Variants in LGR5 observed in about 807,000 individuals in gnomAD.
LGR5 encodes the protein leucine rich repeat containing G protein-coupled receptor 5.
In LGR5, 54 loss-of-function variants were observed where a neutral mutation model predicts 76.7. The observed-to-expected ratio is 0.70, with a 90% CI of 0.57 to 0.88. LGR5 has a LOEUF of 0.88. Ranked by LOEUF, LGR5 falls within the 40% of genes least tolerant of loss-of-function variation. The probability of loss-of-function intolerance (pLI) is 0.00; values close to 1 mark genes in which losing one functional copy is unlikely to be tolerated. For missense variants in LGR5, 1,078 were observed against 1,073.3 expected (o/e 1.00, Z -0.06); for synonymous variants, 406 against 421.9 (o/e 0.96, Z 0.46).
rs762532748 is a variant in LGR5 at position 71,535,141 on chromosome 12, A to T, written c.383A>T (p.His128Leu). The T allele has an allele frequency of 1.6e-5, 26 of 1,612,056 alleles. No homozygotes were observed. In the East Asian group the frequency reaches 5.6e-4, roughly 35 times the overall value. Residue 128 changes from histidine (H) to leucine (L), a missense_variant, in exon 4 of 18, where the codon CAC becomes CTC. Transcript: ENST00000266674. Reference sequence around the variant, plus strand: ...ATGCTGCAGAATAATCAGCTAAGACACGTACCCACAGAAGCTCTGCAGAAT... The same window carrying T: ...ATGCTGCAGAATAATCAGCTAAGACTCGTACCCACAGAAGCTCTGCAGAAT... ...VLMLQNNQLR[H>L]VPTEALQNLR... is the part of the protein sequence containing the mutation.
rs137854924 is a variant in LGR5, at chr12:71,490,188, C to T, written c.213-14426C>T. Among the ~76,000 whole-genome samples the T allele has an allele frequency of 1.8e-4, 27 of 150,898 alleles. No individual in the cohort carries two copies. In the East Asian group the frequency reaches 5.0e-3, roughly 28 times the overall value. On this transcript the variant is annotated intron_variant, in intron 1 of 17. Transcript: ENST00000266674. ...TAACTATTTGGTTTTGGCTATATGA[C>T]AAGGCCTAGTTAAGAGAATATAATG...
intron 1 of LGR5, among the ~76,000 whole-genome samples, chr12:71,461,656 A>G (rs1476430222): frequency 6.6e-6 from 1 of 151,828 alleles, no homozygotes; most frequent in South Asian, 2.1e-4. Flanking sequence ...TCCCCTCTCT[A>G]CCAACATTCT....
At chr12:71,484,999 A>T (rs574730476) in intron 1 of LGR5, among the ~76,000 whole-genome samples, 18 of 152,328 alleles carry the variant, frequency 1.2e-4, no homozygotes, top group African/African-American at 3.8e-4. Flanking sequence ...TTTTAGAATT[A>T]TCCTATAATT....
intron 8 of LGR5, among the ~76,000 whole-genome samples, chr12:71,563,239 C>T (rs996566429): frequency 1.3e-5 from 2 of 152,138 alleles, no homozygotes; most frequent in African/African-American, 4.8e-5. Context: ...CTTCAAAGCC[C>T]GCATTTCTGT....
At chr12:71,522,464 C>G (rs920071330) in intron 2 of LGR5, among the ~76,000 whole-genome samples, 4 of 152,182 alleles carry the variant, frequency 2.6e-5, no homozygotes, top group Non-Finnish European at 4.4e-5. Context: ...AGTGCCAACA[C>G]CATGCTTAGG....
chr12:71,561,851 A>G lies in LGR5; in HGVS notation c.856A>G (p.Ile286Val), dbSNP rs1878076590. The G allele has an allele frequency of 1.3e-6, 2 of 1,572,818 alleles. No homozygotes were observed. The highest frequency in any genetic ancestry group is 1.7e-6 in the Non-Finnish European group (2 of 1,144,814). The change falls in exon 8 of 18, where the codon ATA becomes GTA. Residue 286 changes from isoleucine to valine, a missense_variant and splice_region_variant. Physicochemically the swap from Ile to Val is conservative, Grantham distance 29 (BLOSUM62 3). Coordinates refer to ENST00000266674, the MANE Select transcript of LGR5 (RefSeq NM_003667.4). ...TGTAGGCAACCCTTCTCTTATTACA[A>G]TGTAAGTGACCATAATGCTTTTCGG... is the stretch of plus-strand genomic sequence containing the variant. ...AFVGNPSLIT[I>V]HFYDNPIQFV... is the part of the protein sequence containing the mutation.
At chr12:71,443,915 T>TA (rs975495551) in intron 1 of LGR5, among the ~76,000 whole-genome samples, 4 of 121,408 alleles carry the variant, frequency 3.3e-5, no homozygotes, top group African/African-American at 1.2e-4. Flanking sequence ...AGAGAAAAGA[T>TA]TTTTTTTTTT....
chr12:71,498,672 C>G (rs1312073290), intron 1 of LGR5, among the ~76,000 whole-genome samples: 1 of 152,162 alleles, frequency 6.6e-6, no homozygotes, highest in East Asian at 1.9e-4. Flanking sequence ...TTTAGGGATT[C>G]AGGGTTTAGC....
chr12:71,494,071 G>A lies in LGR5; in HGVS notation c.213-10543G>A, dbSNP rs1418068913. Among the ~76,000 whole-genome samples the A allele has an allele frequency of 4.0e-5, 6 of 149,992 alleles. 1 individual carries two copies. Among genetic ancestry groups the A allele is most frequent in the African/African-American group, 1.5e-4 (6 of 39,646 alleles). ...CCATTCTCCTGCCTCAGCCTCCTGA[G>A]TAGCTGGGACTACAGGCACCTGCCA... On this transcript the variant is annotated intron_variant, in intron 1 of 17. Coordinates refer to ENST00000266674, the MANE Select transcript of LGR5 (RefSeq NM_003667.4).
Position 71,496,107 on chromosome 12 carries a change from C to T in LGR5, c.213-8507C>T, listed in dbSNP as rs932640293. 3.9e-5 allele frequency among the ~76,000 whole-genome samples: 6 copies of T among 152,130 alleles called. No homozygotes were observed. In the South Asian group the frequency reaches 1.2e-3, roughly 32 times the overall value. On this transcript the variant is annotated intron_variant, in intron 1 of 17. Transcript: ENST00000266674. ...GAGAAAAAAGCCAGGCAAGGTGGCT[C>T]ACGCCTGTAATCCCAGCACTTTGGG...
chr12:71,489,536 C>G (rs1451893155), intron 1 of LGR5, among the ~76,000 whole-genome samples: 1 of 152,044 alleles, frequency 6.6e-6, no homozygotes, highest in Non-Finnish European at 1.5e-5. Context: ...CAGTGGTAGT[C>G]AACTTGGCAT....
chr12:71,563,136 T>C (rs1473758568), intron 8 of LGR5, among the ~76,000 whole-genome samples: 3 of 152,138 alleles, frequency 2.0e-5, no homozygotes, highest in Non-Finnish European at 4.4e-5. Context: ...ACCCCAACTC[T>C]ATATATATTA....
chr12:71,504,879 T>A (rs1213960713), intron 2 of LGR5, among the ~76,000 whole-genome samples, 194 bp downstream of exon 2: 1 of 152,186 alleles, frequency 6.6e-6, no homozygotes, highest in East Asian at 1.9e-4. Flanking sequence ...AATCAACTTA[T>A]AAAAGAGTTT....
At chr12:71,578,597 A>G (rs1878958559) in intron 14 of LGR5, among the ~76,000 whole-genome samples, 1 of 152,246 alleles carries the variant, frequency 6.6e-6, no homozygotes, top group Admixed American at 6.5e-5. Flanking sequence ...GAATACAATT[A>G]AAACCTTTTC....
At chr12:71,511,988 TTTTG>T (rs138561110) in intron 2 of LGR5, among the ~76,000 whole-genome samples, 69 of 152,006 alleles carry the variant, frequency 4.5e-4, no homozygotes, top group Admixed American at 1.2e-3. Flanking sequence ...GGTTTGTTTG[TTTTG>T]TTTGTTTGTT....
intron 8 of LGR5, among the ~76,000 whole-genome samples, chr12:71,563,934 A>ACG (rs1878193823): frequency 6.9e-6 from 1 of 144,884 alleles, no homozygotes; most frequent in African/African-American, 2.8e-5. Context: ...ATATGTACAC[A>ACG]CACACCGTGT....
At position 71,573,963 on chromosome 12, in the gene LGR5, G is replaced by A. The variant is rs115163419; in HGVS notation, c.1208+1042G>A. Among the ~76,000 whole-genome samples, 584 of 150,850 alleles carry A rather than the reference G, an allele frequency of 3.9e-3. 3 individuals are homozygous for A. Among genetic ancestry groups the A allele is most frequent in the African/African-American group, 0.013 (551 of 41,116 alleles). ...ATACTTTTATTTTCCTTTTACTAAG[G>A]GTTACTATTTTCCTAACCCTAACCC... On this transcript the variant is annotated intron_variant, in intron 13 of 17. Transcript: ENST00000266674.
chr12:71,505,276 C>A (rs574632754), intron 2 of LGR5, among the ~76,000 whole-genome samples: 1 of 152,128 alleles, frequency 6.6e-6, no homozygotes, highest in South Asian at 2.1e-4. Flanking sequence ...AAGGAGGAAG[C>A]TAAAATTAGT....
chr12:71,504,687 TAA>T lies in LGR5; in HGVS notation c.284+3_284+4del. 1 of 1,608,134 alleles carries T rather than the reference TAA, an allele frequency of 6.2e-7. No homozygotes were observed. The highest frequency in any genetic ancestry group is 8.5e-7 in the Non-Finnish European group (1 of 1,174,552). On this transcript the variant is annotated splice_donor_region_variant and intron_variant, in intron 2 of 17. Coordinates refer to ENST00000266674, the MANE Select transcript of LGR5 (RefSeq NM_003667.4). The stretch of plus-strand genomic sequence containing the variant: ...CAGTCTCCGCTTCCTGGAGGAGTTG[TAA>T]GTATCACTGTAGTCTTGATGCATCC...
Sources: allele counts gnomAD v4.1 joint callset (sites outside exome capture counted in the v4.1 genomes callset), GRCh38; gene constraint gnomAD v4.1.1; transcripts MANE v1.5; gene names NCBI Gene and HGNC (gene_info 2026-07-23, HGNC 2026-07-21).